Variants in HTR2C observed in about 807,000 individuals in gnomAD.
HTR2C encodes 5-hydroxytryptamine (serotonin) receptor 2C, G protein-coupled.
A neutral mutation model predicts 21.0 loss-of-function variants in HTR2C; 5 were observed. That is an observed-to-expected ratio of 0.24 (90% confidence interval 0.12 to 0.50). The LOEUF (loss-of-function observed/expected upper bound fraction) is 0.50. HTR2C is among the 20% of genes least tolerant of loss of function. The pLI is 0.98. For synonymous variants in HTR2C, 150 were observed against 145.3 expected, an observed-to-expected ratio of 1.03 and a Z score of -0.23; for missense variants, 271 against 371.2, an observed-to-expected ratio of 0.73 and a Z score of 2.22.
rs782676998 is a variant in HTR2C at position 114,907,109 on chromosome X, C to T, written c.1071C>T (p.Gly357=). The change falls in exon 6 of 6, where the codon GGC becomes GGT. Residue 357 remains glycine (G), a synonymous_variant. Coordinates refer to ENST00000276198, the MANE Select transcript of HTR2C (RefSeq NM_000868.4). ...EKLLNVFVWI[G]YVCSGINPLV... is the part of the protein sequence containing the mutation. ...TTCTGAATGTGTTTGTTTGGATTGG[C>T]TATGTTTGTTCAGGAATCAATCCTC... The T allele has an allele frequency of 2.5e-6, 3 of 1,211,353 alleles. No homozygotes were observed. Among genetic ancestry groups the T allele is most frequent in the Middle Eastern group, 2.3e-4 (1 of 4,352 alleles).
intron 2 of HTR2C, among the ~76,000 whole-genome samples, chrX:114,644,138 T>A (rs1296836196): frequency 1.9e-5 from 2 of 106,448 alleles, no homozygotes; most frequent in Non-Finnish European, 3.9e-5. Flanking sequence ...AGGTCAGGAG[T>A]TCGAGACCAG....
intron 2 of HTR2C, among the ~76,000 whole-genome samples, chrX:114,686,516 G>A (rs1931917775): frequency 9.0e-6 from 1 of 110,812 alleles, no homozygotes; most frequent in Admixed American, 9.7e-5. Context: ...ATCAAGGTGG[G>A]CAAGGTTGTT....
chrX:114,680,723 ATCT>A (rs782509915), intron 2 of HTR2C, among the ~76,000 whole-genome samples: 2 of 111,532 alleles, frequency 1.8e-5, no homozygotes, highest in African/African-American at 6.5e-5. Context: ...AGTTTGGATG[ATCT>A]TCTTGTATCT....
chrX:114,880,425 A>C (rs1220918591), intron 5 of HTR2C, among the ~76,000 whole-genome samples: 3 of 110,838 alleles, frequency 2.7e-5, no homozygotes, highest in Non-Finnish European at 5.7e-5. Context: ...AGTGAGATAC[A>C]AGTCACATAA....
chrX:114,734,441 CAATG>C (rs1371245174), intron 4 of HTR2C, among the ~76,000 whole-genome samples: 13 of 107,902 alleles, frequency 1.2e-4, no homozygotes, highest in African/African-American at 4.4e-4. Context: ...TGACCTGAAA[CAATG>C]AACTCTGAGA....
chrX:114,866,140 T>G (rs2071043982), intron 5 of HTR2C, among the ~76,000 whole-genome samples: 1 of 111,607 alleles, frequency 9.0e-6, no homozygotes, highest in Admixed American at 9.6e-5. Context: ...TAAAATATTT[T>G]CATTGTCAGT....
At chrX:114,610,282 T>C (rs1928668624) in intron 1 of HTR2C, among the ~76,000 whole-genome samples, 1 of 112,142 alleles carries the variant, frequency 8.9e-6, no homozygotes, top group African/African-American at 3.2e-5. Context: ...ACATTCCACT[T>C]TAAATGCCTA....
chrX:114,805,971 A>C (rs1222487039), intron 4 of HTR2C, among the ~76,000 whole-genome samples: 4 of 29,529 alleles, frequency 1.4e-4, no homozygotes, highest in Admixed American at 7.4e-4. Flanking sequence ...TATACCATAT[A>C]TATACACCAT....
chrX:114,707,469 A>G (rs1932803296), intron 2 of HTR2C, among the ~76,000 whole-genome samples: 1 of 111,692 alleles, frequency 9.0e-6, no homozygotes, highest in Non-Finnish European at 1.9e-5. Flanking sequence ...ATGTATTACA[A>G]GTTCATTATT....
At chrX:114,745,468 AAGG>A (rs1323023938) in intron 4 of HTR2C, among the ~76,000 whole-genome samples, 1 of 112,232 alleles carries the variant, frequency 8.9e-6, no homozygotes, top group Non-Finnish European at 1.9e-5. Flanking sequence ...ACACAAAAGA[AAGG>A]AAATCAGCAT....
At chrX:114,754,951 C>T (rs969404065) in intron 4 of HTR2C, among the ~76,000 whole-genome samples, 4 of 111,905 alleles carry the variant, frequency 3.6e-5, no homozygotes, top group Non-Finnish European at 7.5e-5. Flanking sequence ...CTTAAAACCA[C>T]GGAAGTGGCC....
intron 4 of HTR2C, among the ~76,000 whole-genome samples, chrX:114,831,652 T>C (rs1158045822): frequency 9.2e-6 from 1 of 108,339 alleles, no homozygotes; most frequent in Non-Finnish European, 1.9e-5. Context: ...GCAGGTTGCT[T>C]GTTCACTCTG....
chrX:114,795,908 C>T (rs1367741797), intron 4 of HTR2C, among the ~76,000 whole-genome samples: 1 of 111,699 alleles, frequency 9.0e-6, no homozygotes, highest in Non-Finnish European at 1.9e-5. Flanking sequence ...GGATTTTTCT[C>T]ATATTTGTTG....
intron 5 of HTR2C, 33 bp from the exon 6 acceptor site, chrX:114,906,556 C>A (rs2071373704): frequency 1.3e-5 from 13 of 1,028,688 alleles, no homozygotes; most frequent in Non-Finnish European, 1.6e-5. Flanking sequence ...CTTCAAGATG[C>A]TATAACAACC....
At chrX:114,666,894 TA>T (rs1419862516) in intron 2 of HTR2C, among the ~76,000 whole-genome samples, 5 of 111,774 alleles carry the variant, frequency 4.5e-5, no homozygotes, top group African/African-American at 1.6e-4. Flanking sequence ...TATTTTTAGT[TA>T]AAAAATTACT....
At chrX:114,589,596 C>T (rs1328946769) in intron 1 of HTR2C, 3 of 157,926 alleles carry the variant, frequency 1.9e-5, no homozygotes, top group Admixed American at 1.3e-4. Context: ...TATCTCTTTC[C>T]GTACCGATAG....
chrX:114,670,012 GA>G (rs1931314933), intron 2 of HTR2C, among the ~76,000 whole-genome samples: 2 of 111,563 alleles, frequency 1.8e-5, no homozygotes, highest in Non-Finnish European at 3.8e-5. Context: ...GCCAAGGCGG[GA>G]GGTTCACTTG....
intron 5 of HTR2C, among the ~76,000 whole-genome samples, chrX:114,874,261 TC>T (rs1457294090): frequency 1.8e-5 from 2 of 111,222 alleles, no homozygotes; most frequent in Non-Finnish European, 3.8e-5. Context: ...TGCAAATATC[TC>T]TTTGACACAT....
chrX:114,778,711 A>G (rs1556439613), intron 4 of HTR2C, among the ~76,000 whole-genome samples: 1 of 110,181 alleles, frequency 9.1e-6, no homozygotes, highest in African/African-American at 3.4e-5. Context: ...CCCATTTTTC[A>G]TGTAAAAAAA....
Sources: allele counts gnomAD v4.1 joint callset (sites outside exome capture counted in the v4.1 genomes callset), GRCh38; gene constraint gnomAD v4.1.1; transcripts MANE v1.5; gene names NCBI Gene and HGNC (gene_info 2026-07-23, HGNC 2026-07-21).